Variants in RABGAP1L observed in about 807,000 individuals in gnomAD.
The protein encoded by RABGAP1L is rab GTPase-activating protein 1-like.
RABGAP1L carries 63 observed loss-of-function variants against 137.7 expected under a neutral mutation model. The ratio of observed to expected loss-of-function variants is 0.46; its 90% confidence interval spans 0.37 to 0.56. The LOEUF (loss-of-function observed/expected upper bound fraction) is 0.56, where lower values mean the gene tolerates loss of function less well. Ranked by LOEUF, RABGAP1L falls within the 20% of genes least tolerant of loss-of-function variation. The pLI, the probability that RABGAP1L is intolerant of heterozygous loss-of-function variation, is 0.00. For synonymous variants in RABGAP1L, 431 were observed against 433.7 expected (o/e 0.99, Z 0.08); for missense variants, 1,095 against 1,244.0 (o/e 0.88, Z 1.80).
chr1:174,875,405 T>C (rs1652916970), intron 19 of RABGAP1L: 1 of 342,830 alleles, frequency 2.9e-6, no homozygotes, highest in Non-Finnish European at 4.1e-6. Flanking sequence ...CCAGGGTGCA[T>C]AGGCGCTGCT....
At chr1:174,760,089 G>C (rs145033298) in intron 18 of RABGAP1L, among the ~76,000 whole-genome samples, 1 of 152,280 alleles carries the variant, frequency 6.6e-6, no homozygotes, top group East Asian at 1.9e-4. Context: ...GTTAGCAGTG[G>C]AACTGACAGA....
chr1:174,538,088 T>C (rs1467011702), intron 13 of RABGAP1L, among the ~76,000 whole-genome samples: 1 of 152,218 alleles, frequency 6.6e-6, no homozygotes. Flanking sequence ...TTTCCAATCT[T>C]AGACCTCATT....
At chr1:174,384,139 A>C (rs1359750155) in intron 12 of RABGAP1L, among the ~76,000 whole-genome samples, 1 of 152,236 alleles carries the variant, frequency 6.6e-6, no homozygotes. Flanking sequence ...ATGGATCTCA[A>C]GTGCATCATG....
intron 13 of RABGAP1L, among the ~76,000 whole-genome samples, chr1:174,529,320 T>G (rs1444302946): frequency 1.3e-5 from 2 of 152,064 alleles, no homozygotes; most frequent in African/African-American, 2.4e-5. Flanking sequence ...TGAAAATGCA[T>G]CTATGATGTT....
chr1:174,324,483 G>A (rs763937313), intron 11 of RABGAP1L, among the ~76,000 whole-genome samples: 2 of 152,092 alleles, frequency 1.3e-5, no homozygotes, highest in Admixed American at 6.5e-5. Flanking sequence ...ATATTGATGA[G>A]TTTGAGTTCA....
chr1:174,691,380 G>A (rs1678867293), intron 15 of RABGAP1L, among the ~76,000 whole-genome samples: 1 of 152,184 alleles, frequency 6.6e-6, no homozygotes, highest in Non-Finnish European at 1.5e-5. Flanking sequence ...AGTTTCTTGT[G>A]GAGAGAAGTA....
rs1388568922 is a variant in RABGAP1L, at chr1:174,393,939, C to CAGCAG, written c.1560-55_1560-51dup. 1.9e-5 allele frequency: 30 copies of CAGCAG among 1,567,840 alleles called. No homozygotes were observed. The Admixed American group carries it at 5.2e-4, about 27-fold the overall frequency. ...TAAACTAGTATACTTTTCATGGCAA[C>CAGCAG]AGCAGTTCAGGAGTTGTAAAGGAAG... On this transcript the variant is annotated intron_variant, in intron 12 of 25. Transcript: ENST00000681986.
intron 11 of RABGAP1L, among the ~76,000 whole-genome samples, chr1:174,364,155 A>G (rs973132561): frequency 3.3e-5 from 5 of 151,284 alleles, no homozygotes; most frequent in Admixed American, 3.3e-4. Context: ...CAGTGAAGCC[A>G]TCAAGTCTCA....
At chr1:174,973,979 G>GTTTTTTTTTTTTTTTTT (rs58500594) in intron 21 of RABGAP1L, among the ~76,000 whole-genome samples, 1 of 85,788 alleles carries the variant, frequency 1.2e-5, no homozygotes, top group African/African-American at 3.5e-5. Context: ...ATTGTTTTTT[G>GTTTTTTTTTTTTTTTTT]TTTTTTTTTT....
intron 11 of RABGAP1L, among the ~76,000 whole-genome samples, chr1:174,346,507 A>T: frequency 6.6e-6 from 1 of 152,148 alleles, no homozygotes; most frequent in East Asian, 1.9e-4. Context: ...CATTTATTCT[A>T]AGTTTTACAA....
intron 13 of RABGAP1L, among the ~76,000 whole-genome samples, chr1:174,614,323 G>A (rs1671575935): frequency 6.6e-6 from 1 of 152,132 alleles, no homozygotes; most frequent in Admixed American, 6.5e-5. Flanking sequence ...ATGAAACTTA[G>A]TTTGGCTGGA....
At chr1:174,503,594 G>C (rs1259000280) in intron 13 of RABGAP1L, among the ~76,000 whole-genome samples, 1 of 147,494 alleles carries the variant, frequency 6.8e-6, no homozygotes, top group Non-Finnish European at 1.5e-5. Flanking sequence ...TCGGGAGGCG[G>C]AGGTTGCTCT....
At chr1:174,542,645 G>A (rs185739283) in intron 13 of RABGAP1L, among the ~76,000 whole-genome samples, 1 of 152,208 alleles carries the variant, frequency 6.6e-6, no homozygotes, top group East Asian at 1.9e-4. Context: ...GCTTTTGAAT[G>A]TGTTTGCTCT....
At chr1:174,862,723 C>T (rs993191909) in intron 19 of RABGAP1L, among the ~76,000 whole-genome samples, 15 of 151,856 alleles carry the variant, frequency 9.9e-5, no homozygotes, top group Admixed American at 2.0e-4. Context: ...TTTAGCCCTA[C>T]GGAAGAGGAC....
intron 19 of RABGAP1L, among the ~76,000 whole-genome samples, chr1:174,882,113 G>A (rs909666087): frequency 2.0e-5 from 3 of 151,966 alleles, no homozygotes; most frequent in Admixed American, 6.6e-5. Flanking sequence ...TGCCCACCTC[G>A]GCCTCCCAGA....
intron 13 of RABGAP1L, among the ~76,000 whole-genome samples, chr1:174,623,258 G>T (rs1163778390): frequency 6.6e-6 from 1 of 152,138 alleles, no homozygotes; most frequent in African/African-American, 2.4e-5. Flanking sequence ...AAATTTACTC[G>T]TGAGAATACC....
intron 5 of RABGAP1L, among the ~76,000 whole-genome samples, chr1:174,243,623 G>A (rs6667267): frequency 0.57 from 87,162 of 152,036 alleles, 27,385 homozygotes; most frequent in African/African-American, 0.85. Flanking sequence ...TGTGCTAAGC[G>A]TTCATTTGAT....
intron 18 of RABGAP1L, among the ~76,000 whole-genome samples, chr1:174,767,489 G>A (rs995258421): frequency 9.3e-5 from 14 of 150,186 alleles, no homozygotes; most frequent in South Asian, 2.1e-4. Context: ...TTTTCACTGC[G>A]TCCTCATTAC....
rs1685364852 is a variant in RABGAP1L, at chr1:174,763,108, C to T, written c.2211+10754C>T. Among the ~76,000 whole-genome samples the T allele has an allele frequency of 2.6e-5, 4 of 151,974 alleles. No homozygotes were observed. The South Asian group carries it at 6.2e-4, about 24-fold the overall frequency. On this transcript the variant is annotated intron_variant, in intron 18 of 25. Transcript: ENST00000681986. The stretch of plus-strand genomic sequence containing the variant: ...AGGATTACAGGCATGAGCCACCGTG[C>T]CTGGCCTCCTTTGCTTTTAAAAACC...
Sources: allele counts gnomAD v4.1 joint callset (sites outside exome capture counted in the v4.1 genomes callset), GRCh38; gene constraint gnomAD v4.1.1; transcripts MANE v1.5; gene names NCBI Gene and HGNC (gene_info 2026-07-23, HGNC 2026-07-21).